The following CFAP74 variants were observed in gnomAD, a reference collection of about 807,000 sequenced individuals.
The protein encoded by CFAP74 is cilia- and flagella-associated protein 74.
In CFAP74, 124 loss-of-function variants were observed where a neutral mutation model predicts 188.9. The ratio of observed to expected loss-of-function variants is 0.66; its 90% CI spans 0.57 to 0.76. CFAP74 has a LOEUF of 0.76. CFAP74 is among the 30% of genes least tolerant of loss of function. CFAP74 has a pLI of 0.00. For synonymous variants in CFAP74, 956 were observed against 916.7 expected (o/e 1.04, Z -0.77); for missense variants, 2,198 against 2,165.2 (o/e 1.02, Z -0.30).
intron 21 of CFAP74, among the ~76,000 whole-genome samples, chr1:1,943,235 T>C (rs1653511168): frequency 6.6e-6 from 1 of 152,066 alleles, no homozygotes; most frequent in Non-Finnish European, 1.5e-5. Context: ...GCCTGGGCCC[T>C]TTCTGTCAAG....
At position 1,956,659 on chromosome 1, in the gene CFAP74, C is replaced by T. The variant is rs750862529; in HGVS notation, c.1977G>A (p.Glu659=). ...ACTGGGAGTCGTCCATCTCACAGGG[C>T]TCTGAAGCTGGCAGGAACTTGAAAG... ...GTTFKFLPAS[E]PCEMDDSQSA... The change falls in exon 17 of 39, where the codon GAG becomes GAA. Residue 659 remains glutamate, a synonymous_variant. Coordinates refer to ENST00000682832, the MANE Select transcript of CFAP74 (RefSeq NM_001304360.2). 29 of 1,614,184 alleles carry T rather than the reference C, an allele frequency of 1.8e-5. No homozygotes were observed. The highest frequency in any genetic ancestry group is 3.3e-5 in the Admixed American group (2 of 60,028).
At chr1:1,976,815 T>C (rs1254758167) in intron 6 of CFAP74, among the ~76,000 whole-genome samples, 1 of 151,830 alleles carries the variant, frequency 6.6e-6, no homozygotes, top group East Asian at 1.9e-4. Flanking sequence ...AGTGCTGGGA[T>C]TACAGGTGTG....
chr1:1,937,825 C>T lies in CFAP74; in HGVS notation c.3011+1030G>A, dbSNP rs544662884. Among the ~76,000 whole-genome samples the T allele has an allele frequency of 3.5e-5, 5 of 143,794 alleles. No individual in the cohort carries two copies. The East Asian group carries it at 8.3e-4, about 24-fold the overall frequency. The allele number at this position is 143,794 out of a possible 152,430, so 94.3% of individuals were successfully genotyped here. A position where few individuals can be genotyped will look rare whatever the true frequency, so the allele number is the denominator to read the frequency against. ...TGGCTGGTCGCACAAGACCTCAGAG[C>T]ACGCAGGGATTTACAACACCAGGTC... On this transcript the variant is annotated intron_variant, in intron 25 of 38. Transcript: ENST00000682832.
chr1:1,981,763 G>A (rs1373735564), intron 6 of CFAP74, among the ~76,000 whole-genome samples: 28 of 78,290 alleles, frequency 3.6e-4, no homozygotes, highest in African/African-American at 5.4e-4. Context: ...GCGGTCACAC[G>A]CGGGGGCACG....
chr1:1,936,448 G>A (rs1175132606), intron 25 of CFAP74, among the ~76,000 whole-genome samples: 3 of 152,014 alleles, frequency 2.0e-5, no homozygotes, highest in African/African-American at 7.3e-5. Context: ...GGAGGCTGAG[G>A]CAGGAGAATT....
At chr1:1,955,300 T>C in intron 18 of CFAP74, 1 of 1,293,996 alleles carries the variant, frequency 7.7e-7, no homozygotes, top group Non-Finnish European at 1.0e-6. Flanking sequence ...CCCGCCCGTT[T>C]CTCGGCACCT....
chr1:1,969,481 C>T (rs1172364734), intron 10 of CFAP74, among the ~76,000 whole-genome samples: 2 of 150,612 alleles, frequency 1.3e-5, no homozygotes, highest in African/African-American at 4.9e-5. Flanking sequence ...CCCTGCCCGG[C>T]CCAGCCCTGC....
chr1:1,971,344 C>T (rs974164354), intron 9 of CFAP74, among the ~76,000 whole-genome samples: 1 of 151,142 alleles, frequency 6.6e-6, no homozygotes, highest in African/African-American at 2.4e-5. Flanking sequence ...CACACACGTG[C>T]ACACACATGC....
rs777014589 is a variant in CFAP74, at chr1:1,964,904, T to C, written c.1559A>G (p.Glu520Gly). Residue 520 changes from glutamate to glycine, a missense_variant, in exon 13 of 39, where the codon GAG becomes GGG. By Grantham distance (98) the Glu-to-Gly change is moderately conservative. Coordinates refer to ENST00000682832, the MANE Select transcript of CFAP74 (RefSeq NM_001304360.2). Reference sequence around the variant, plus strand: ...CGGGCTCACCTGGAAGTGGAGGAGCTCCGGTTTGCTGTTGAAGGGGCGTCC... The same window carrying C: ...CGGGCTCACCTGGAAGTGGAGGAGCCCCGGTTTGCTGTTGAAGGGGCGTCC... The part of the protein sequence containing the change: ...FQGRPFNSKP[E>G]LLHFQDFDIG... 2.5e-5 allele frequency: 40 copies of C among 1,613,706 alleles called. No individual in the cohort carries two copies. The highest frequency in any genetic ancestry group is 3.4e-5 in the Non-Finnish European group (40 of 1,179,938).
At chr1:1,977,063 T>C (rs1656498082) in intron 6 of CFAP74, among the ~76,000 whole-genome samples, 1 of 152,022 alleles carries the variant, frequency 6.6e-6, no homozygotes, top group Non-Finnish European at 1.5e-5. Flanking sequence ...TTAGCCAGGA[T>C]GGTCTCAATC....
chr1:1,986,667 C>T (rs1222519692), intron 5 of CFAP74, among the ~76,000 whole-genome samples: 1 of 152,238 alleles, frequency 6.6e-6, no homozygotes, highest in East Asian at 1.9e-4. Context: ...AGCTGCCTCA[C>T]CCTGCTGCTC....
At chr1:1,976,005 G>C (rs1161580933) in intron 6 of CFAP74, among the ~76,000 whole-genome samples, 86 of 152,228 alleles carry the variant, frequency 5.6e-4, no homozygotes, top group Non-Finnish European at 8.8e-5. Context: ...GGAAGTCCAA[G>C]GTCAAGGTGC....
intron 2 of CFAP74, among the ~76,000 whole-genome samples, chr1:1,989,455 A>G (rs1228271302): frequency 1.3e-5 from 2 of 152,144 alleles, no homozygotes; most frequent in Non-Finnish European, 2.9e-5. Context: ...TTGGACCTCA[A>G]CATGACGTTC....
At chr1:1,978,556 G>A (rs886590728) in intron 6 of CFAP74, among the ~76,000 whole-genome samples, 7 of 152,204 alleles carry the variant, frequency 4.6e-5, no homozygotes, top group African/African-American at 1.7e-4. Context: ...AAGGTTGGAG[G>A]CTGGACAGAT....
At chr1:1,929,857 T>C (rs545754988) in intron 26 of CFAP74, among the ~76,000 whole-genome samples, 2 of 152,034 alleles carry the variant, frequency 1.3e-5, no homozygotes, top group Non-Finnish European at 1.5e-5. Context: ...CCCCCCCCGA[T>C]GGGGGTGGCC....
rs1186109826 is a variant in CFAP74 at position 1,966,527 on chromosome 1, C to G, written c.1246-1G>C. 8 of 1,547,336 alleles carry G rather than the reference C, an allele frequency of 5.2e-6. No homozygotes were observed. In the South Asian group the frequency reaches 9.6e-5, roughly 19 times the overall value. On this transcript the variant is annotated splice_acceptor_variant, in intron 11 of 38. Coordinates refer to ENST00000682832, the MANE Select transcript of CFAP74 (RefSeq NM_001304360.2). LOFTEE classifies it high-confidence loss of function. ...CGGGGCCTGCAGCAGCCTCGTAGTC[C>G]TGCAGTCGGGGAGAGGAACATCGCA...
At chr1:1,957,967 T>G (rs1227234350) in intron 16 of CFAP74, among the ~76,000 whole-genome samples, 1 of 152,174 alleles carries the variant, frequency 6.6e-6, no homozygotes, top group Non-Finnish European at 1.5e-5. Flanking sequence ...GCGGGGCCAC[T>G]TGAGTGCCAA....
chr1:1,926,470 G>A lies in CFAP74; in HGVS notation c.3815C>T (p.Pro1272Leu). Residue 1272 changes from proline to leucine, a missense_variant, in exon 31 of 39, where the codon CCC becomes CTC. By Grantham distance (98) the Pro-to-Leu change is moderately conservative. Coordinates refer to ENST00000682832, the MANE Select transcript of CFAP74 (RefSeq NM_001304360.2). ...GGACAAGGACACGGCCAGATCCTCG[G>A]GAGAGACGTTCTGGATGGAGATCTT... ...IKKISIQNVSPEDLALDFSLL... is the reference protein window; with the variant it reads ...IKKISIQNVSLEDLALDFSLL... The A allele has an allele frequency of 6.5e-7, 1 of 1,550,270 alleles. No homozygotes were observed. The highest frequency in any genetic ancestry group is 8.7e-7 in the Non-Finnish European group (1 of 1,146,922).
intron 1 of CFAP74, among the ~76,000 whole-genome samples, chr1:2,001,900 A>T (rs1658228632): frequency 6.6e-6 from 1 of 152,350 alleles, no homozygotes; most frequent in South Asian, 2.1e-4. Flanking sequence ...CAGAGGTGTC[A>T]GGGTCATGAC....
Sources: allele counts gnomAD v4.1 joint callset (sites outside exome capture counted in the v4.1 genomes callset), GRCh38; gene constraint gnomAD v4.1.1; transcripts MANE v1.5; gene names NCBI Gene and HGNC (gene_info 2026-07-23, HGNC 2026-07-21).